Variants in ZC4H2 observed in about 807,000 individuals in gnomAD.
ZC4H2 encodes zinc finger C4H2 domain-containing protein.
For missense variants in ZC4H2, 137 were observed against 173.9 expected (o/e 0.79, Z 1.19); for synonymous variants, 84 against 66.3 (o/e 1.27, Z -1.30).
rs868638457 is a variant in ZC4H2, at chrX:64,916,716, C to T, written c.*1067G>A. 9.0e-6 allele frequency: 1 copy of T among 111,157 alleles called. No individual in the cohort carries two copies. The highest frequency in any genetic ancestry group is 3.8e-4 in the South Asian group (1 of 2,598). The allele number at this position is 111,157 out of a possible 1,213,427, so 9.2% of individuals were successfully genotyped here. On this transcript the variant is annotated 3_prime_UTR_variant, in exon 5 of 5. Transcript: ENST00000374839. ...GGGCTTGGGGAGCCTGATGCCTTTT[C>T]TTTTGGGAGGAAAGGCCACCTGCAC...
chrX:64,926,291 G>A (rs1929418672), intron 1 of ZC4H2, among the ~76,000 whole-genome samples: 1 of 111,757 alleles, frequency 8.9e-6, no homozygotes, highest in Admixed American at 9.4e-5. Flanking sequence ...ACCATGCAAT[G>A]GCAATCTCAA....
intron 1 of ZC4H2, among the ~76,000 whole-genome samples, chrX:65,023,064 T>C (rs1001728856): frequency 9.8e-5 from 11 of 111,950 alleles, no homozygotes; most frequent in African/African-American, 3.6e-4. Flanking sequence ...TACTGTAGCC[T>C]TGTAGTATAG....
intron 1 of ZC4H2, among the ~76,000 whole-genome samples, chrX:64,999,742 G>A (rs1040825460): frequency 2.7e-5 from 3 of 112,027 alleles, no homozygotes; most frequent in African/African-American, 6.5e-5. Context: ...TGGGGCTCTC[G>A]AGCTTGGTAG....
At chrX:64,938,090 C>A (rs1443138805) in intron 1 of ZC4H2, among the ~76,000 whole-genome samples, 1 of 111,527 alleles carries the variant, frequency 9.0e-6, no homozygotes, top group East Asian at 2.8e-4. Flanking sequence ...CAGTAAAAAA[C>A]GACATAGGGC....
At chrX:64,933,848 G>A (rs776544058) in intron 1 of ZC4H2, among the ~76,000 whole-genome samples, 5 of 111,624 alleles carry the variant, frequency 4.5e-5, no homozygotes, top group Non-Finnish European at 5.6e-5. Context: ...AGGTCAAGAG[G>A]AAACATATTC....
intron 1 of ZC4H2, among the ~76,000 whole-genome samples, chrX:64,963,518 T>C (rs1015896693): frequency 2.7e-5 from 3 of 111,316 alleles, no homozygotes; most frequent in African/African-American, 9.8e-5. Flanking sequence ...GATGAAATAT[T>C]TGCAAATCAT....
rs971567878 is a variant in ZC4H2, at chrX:65,004,312, C to T, written c.-272+30317G>A. Among the ~76,000 whole-genome samples, 3 of 112,001 alleles carry T rather than the reference C, an allele frequency of 2.7e-5. No homozygotes were observed. The South Asian group carries it at 1.1e-3, about 42-fold the overall frequency. On this transcript the variant is annotated intron_variant, in intron 1 of 4. Coordinates refer to the ZC4H2 transcript ENST00000337990. Reference sequence around the variant, plus strand: ...ATGTCGGGCCAATATCCCTGATGAACATCAATGCAGAAAACCTCAATAAAA... The same window carrying T: ...ATGTCGGGCCAATATCCCTGATGAATATCAATGCAGAAAACCTCAATAAAA...
Position 64,966,270 on chromosome X carries a change from A to C in ZC4H2, c.53+10055T>G, listed in dbSNP as rs191970555. 8.2e-3 allele frequency among the ~76,000 whole-genome samples: 928 copies of C among 112,523 alleles called. 6 individuals are homozygous for C. The highest frequency in any genetic ancestry group is 0.014 in the Non-Finnish European group (722 of 53,281). On this transcript the variant is annotated intron_variant, in intron 1 of 4. Coordinates refer to ENST00000374839, the MANE Select transcript of ZC4H2 (RefSeq NM_018684.4). ...TGAGCTATCACATCACACCACTAGG[A>C]TGGCTATAATGCCTTTTTGAGGCAG...
chrX:64,928,660 CTTCTTCTTCTT>C (rs1240488285), intron 1 of ZC4H2, among the ~76,000 whole-genome samples: 7 of 102,050 alleles, frequency 6.9e-5, no homozygotes, highest in Non-Finnish European at 1.2e-4. Context: ...TCTTCTTCTT[CTTCTTCTTCTT>C]CTTCTTCTTC....
intron 1 of ZC4H2, among the ~76,000 whole-genome samples, chrX:65,010,379 G>C (rs1017512594): frequency 4.4e-5 from 5 of 112,720 alleles, no homozygotes; most frequent in African/African-American, 1.6e-4. Context: ...TCCAGTGACA[G>C]AAAACTTAGC....
chrX:64,918,964 G>C (rs1293597951), intron 4 of ZC4H2, 78 bp downstream of exon 4: 1 of 1,092,941 alleles, frequency 9.1e-7, no homozygotes, highest in African/African-American at 1.9e-5. Flanking sequence ...TAAAGCCAAA[G>C]ACCCAGAACT....
upstream of ZC4H2, among the ~76,000 whole-genome samples, chrX:64,978,746 AT>A (rs201581542): frequency 3.2e-4 from 35 of 109,330 alleles, 1 homozygote; most frequent in South Asian, 7.3e-3. Context: ...GAAAAAAAAA[AT>A]ATATATATAT....
chrX:64,919,025 T>C lies in ZC4H2; in HGVS notation c.561+17A>G, dbSNP rs746439376. ...GGATACTTTGCTTCCTCCACAACCA[T>C]TACCCAGCTCACTTACCTTCATAGG... On this transcript the variant is annotated intron_variant, in intron 4 of 4. Coordinates refer to ENST00000374839, the MANE Select transcript of ZC4H2 (RefSeq NM_018684.4). 1.7e-5 allele frequency: 20 copies of C among 1,147,883 alleles called. No individual in the cohort carries two copies. In the South Asian group the frequency reaches 4.0e-4, roughly 23 times the overall value. 94.6% of individuals were successfully genotyped at this position (1,147,883 alleles called of 1,213,427 possible). A position where few individuals can be genotyped will look rare whatever the true frequency, so the allele number is the denominator to read the frequency against.
rs41305405 is a variant in ZC4H2, at chrX:64,919,518, C to T, written c.399-314G>A. On this transcript the variant is annotated intron_variant, in intron 3 of 4. Transcript: ENST00000374839. ...AGTATTCCTATTAAGTGTCCTAAGG[C>T]CTCTGGTGACATATCTCTAAGAGTA... 1,248 of 194,014 alleles carry T rather than the reference C, an allele frequency of 6.4e-3. 3 individuals carry two copies. The highest frequency in any genetic ancestry group is 0.012 in the Middle Eastern group (7 of 574). The allele number at this position is 194,014 out of a possible 1,213,427, so 16.0% of individuals were successfully genotyped here.
intron 1 of ZC4H2, among the ~76,000 whole-genome samples, chrX:65,002,556 G>A (rs1483824953): frequency 1.8e-5 from 2 of 112,090 alleles, no homozygotes; most frequent in African/African-American, 3.2e-5. Context: ...CGTCTGGGAG[G>A]TGTACCCAAC....
intron 1 of ZC4H2, among the ~76,000 whole-genome samples, chrX:64,975,804 G>A (rs1243128384): frequency 9.0e-6 from 1 of 110,946 alleles, no homozygotes; most frequent in Non-Finnish European, 1.9e-5. Context: ...TGGCGAGTGA[G>A]TGAAAGGAAA....
intron 1 of ZC4H2, 131 bp from the exon 2 acceptor site, chrX:64,922,119 C>CA: frequency 1.8e-6 from 2 of 1,093,558 alleles, no homozygotes; most frequent in South Asian, 4.8e-5. Flanking sequence ...GAGGCCATCT[C>CA]AAAAAAGAAG....
In ZC4H2 at chrX:64,915,845, T is replaced by C. The variant is rs1463953687; in HGVS notation, c.*1938A>G. ...GACACTGAGGCACAGAGAGGTTTTA[T>C]TTAGCTGTTGAATTCCCTGACAAGC... On this transcript the variant is annotated 3_prime_UTR_variant, in exon 5 of 5. Transcript: ENST00000374839. The C allele has an allele frequency of 8.9e-6, 1 of 112,073 alleles. No individual in the cohort carries two copies. Among genetic ancestry groups the C allele is most frequent in the South Asian group, 3.7e-4 (1 of 2,684 alleles). The allele number at this position is 112,073 out of a possible 1,213,427, so 9.2% of individuals were successfully genotyped here. A position where few individuals can be genotyped will look rare whatever the true frequency, so the allele number is the denominator to read the frequency against.
intron 1 of ZC4H2, among the ~76,000 whole-genome samples, chrX:64,943,903 T>A (rs1036112245): frequency 3.6e-5 from 4 of 111,051 alleles, no homozygotes; most frequent in African/African-American, 1.3e-4. Context: ...TGCACAATAG[T>A]TGATGCAGTT....
Sources: gnomAD v4.1 joint callset for allele counts (sites outside exome capture counted in the v4.1 genomes callset) on GRCh38, gnomAD v4.1.1 for gene constraint, MANE v1.5 for transcripts, NCBI Gene and HGNC (gene_info 2026-07-23, HGNC 2026-07-21) for gene names.